Variants in DNAH17 observed in about 807,000 individuals in gnomAD.
The protein encoded by DNAH17 is axonemal beta dynein heavy chain 17.
In DNAH17, 376 loss-of-function variants were observed where a neutral mutation model predicts 485.6. The ratio of observed to expected loss-of-function variants is 0.77; its 90% CI spans 0.71 to 0.84. The LOEUF is 0.84. Ranked by LOEUF, DNAH17 falls within the 40% of genes least tolerant of loss-of-function variation. The pLI is 0.00. For synonymous variants in DNAH17, 3,031 were observed against 2,405.9 expected, an observed-to-expected ratio of 1.26 and a Z score of -7.60; for missense variants, 6,370 against 5,839.3, an observed-to-expected ratio of 1.09 and a Z score of -2.96.
intron 20 of DNAH17, among the ~76,000 whole-genome samples, chr17:78,531,327 T>A (rs891707418): frequency 6.6e-6 from 1 of 150,888 alleles, no homozygotes; most frequent in Non-Finnish European, 1.5e-5. Context: ...GTTTGTGACA[T>A]AAAGTCTGTC....
chr17:78,487,411 G>C (rs1181744001), intron 44 of DNAH17, among the ~76,000 whole-genome samples: 1 of 152,226 alleles, frequency 6.6e-6, no homozygotes, highest in Non-Finnish European at 1.5e-5. Context: ...GCCCCCTCGA[G>C]TGCCAGTGAG....
At chr17:78,497,690 G>A (rs532621079) in intron 37 of DNAH17, among the ~76,000 whole-genome samples, 2 of 152,322 alleles carry the variant, frequency 1.3e-5, no homozygotes, top group East Asian at 3.9e-4. Context: ...AATGACTGAG[G>A]CAGAGGGAGC....
intron 3 of DNAH17, among the ~76,000 whole-genome samples, chr17:78,572,232 G>A (rs1269525502): frequency 6.9e-6 from 1 of 145,576 alleles, no homozygotes; most frequent in African/African-American, 2.6e-5. Context: ...AGGTGCGAGG[G>A]GACACCTTGG....
chr17:78,542,784 T>C (rs1025023425), intron 17 of DNAH17, among the ~76,000 whole-genome samples: 2 of 152,186 alleles, frequency 1.3e-5, no homozygotes, highest in African/African-American at 2.4e-5. Context: ...ATTCTACCCA[T>C]TCACATATGC....
At chr17:78,468,038 G>C in intron 55 of DNAH17, among the ~76,000 whole-genome samples, 1 of 142,438 alleles carries the variant, frequency 7.0e-6, no homozygotes, top group African/African-American at 2.6e-5. Flanking sequence ...AAAAAAGAGA[G>C]AGAGAGAGAG....
chr17:78,559,249 G>C (rs1234129547), intron 13 of DNAH17, among the ~76,000 whole-genome samples: 1 of 152,202 alleles, frequency 6.6e-6, no homozygotes, highest in Non-Finnish European at 1.5e-5. Context: ...GTGACTTCCA[G>C]CCTTCTGTAT....
At chr17:78,541,822 G>A (rs139209395) in intron 17 of DNAH17, among the ~76,000 whole-genome samples, 15 of 152,248 alleles carry the variant, frequency 9.9e-5, no homozygotes, top group South Asian at 8.3e-4. Flanking sequence ...TTCTGAGAGT[G>A]TTAACAAGCT....
intron 73 of DNAH17, among the ~76,000 whole-genome samples, chr17:78,438,563 T>TC (rs1368712685): frequency 6.7e-6 from 1 of 148,324 alleles, no homozygotes; most frequent in African/African-American, 2.5e-5. Context: ...AGTGGTGCAC[T>TC]CTTGGCTCAC....
At position 78,571,364 on chromosome 17, in the gene DNAH17, T is replaced by C. The variant is rs371566822; in HGVS notation, c.747A>G (p.Lys249=). Residue 249 remains lysine (K), a synonymous_variant, in exon 5 of 81, where the codon AAA becomes AAG. Coordinates refer to ENST00000389840, the MANE Select transcript of DNAH17 (RefSeq NM_173628.4). ...KCIHEQLNRP[K]VNKIVEILEK... is the part of the protein sequence containing the mutation. ...CTAGGATCTCAACAATCTTGTTCAC[T>C]TTGGGTCTGTTTAGCTGAGAAGGGG... 45 of 1,613,648 alleles carry C rather than the reference T, an allele frequency of 2.8e-5. No individual in the cohort carries two copies. Among genetic ancestry groups the C allele is most frequent in the Non-Finnish European group, 3.5e-5 (41 of 1,179,726 alleles).
At chr17:78,498,102 T>C (rs183597873) in intron 37 of DNAH17, among the ~76,000 whole-genome samples, 1 of 151,548 alleles carries the variant, frequency 6.6e-6, no homozygotes, top group African/African-American at 2.4e-5. Flanking sequence ...GACTGTGCCA[T>C]TGCACTCCAG....
At chr17:78,552,511 GC>G (rs1281665460) in intron 15 of DNAH17, among the ~76,000 whole-genome samples, 185 bp downstream of exon 15, 1 of 108,396 alleles carries the variant, frequency 9.2e-6, no homozygotes, top group African/African-American at 3.4e-5. Context: ...ACACAGATGG[GC>G]TTTTTTTTTT....
At chr17:78,466,123 G>A (rs538391575) in intron 56 of DNAH17, among the ~76,000 whole-genome samples, 81 of 152,354 alleles carry the variant, frequency 5.3e-4, no homozygotes, top group African/African-American at 1.8e-3. Context: ...GTTGATCTGT[G>A]ACCTTACCCC....
At chr17:78,526,540 G>C (rs2091078914) in intron 24 of DNAH17, 111 bp downstream of exon 24, 1 of 906,294 alleles carries the variant, frequency 1.1e-6, no homozygotes, top group South Asian at 1.8e-5. Flanking sequence ...ACGGCCCCAA[G>C]GTCAGTCCGG....
chr17:78,459,323 G>C, intron 60 of DNAH17, 115 bp from the exon 61 acceptor site: 1 of 993,670 alleles, frequency 1.0e-6, no homozygotes, highest in Non-Finnish European at 1.6e-6. Context: ...GCAGCGCTGG[G>C]ATTCACACAG....
chr17:78,547,939 T>A (rs1369112815), intron 16 of DNAH17, among the ~76,000 whole-genome samples: 1 of 152,138 alleles, frequency 6.6e-6, no homozygotes, highest in Non-Finnish European at 1.5e-5. Context: ...TAGTAACAAC[T>A]ATGATTTTTA....
intron 49 of DNAH17, among the ~76,000 whole-genome samples, chr17:78,480,445 A>T (rs2089300928): frequency 6.6e-6 from 1 of 152,186 alleles, no homozygotes; most frequent in Non-Finnish European, 1.5e-5. Context: ...TGGAGTTTGG[A>T]TTTAACTGCA....
At position 78,462,853 on chromosome 17, in the gene DNAH17, C is replaced by A; in HGVS notation, c.9165G>T (p.Thr3055=). 1 of 1,613,948 alleles carries A rather than the reference C, an allele frequency of 6.2e-7. No individual in the cohort carries two copies. ...LENGLMKLQS[T]ASQVDDLKAK... is the part of the protein sequence containing the mutation. ...AGCCCCCCTCTCCTACCTGGGAAGC[C>A]GTGCTCTGCAGCTTCATCAGGCCGT... Residue 3055 remains threonine (T), a synonymous_variant, in exon 57 of 81, where the codon ACG becomes ACT. Transcript: ENST00000389840.
rs757071513 is a variant in DNAH17 at position 78,450,347 on chromosome 17, C to G, written c.10947G>C (p.Glu3649Asp). The change falls in exon 68 of 81, where the codon GAG becomes GAC. Residue 3649 changes from glutamate (E) to aspartate (D), a missense_variant. Transcript: ENST00000389840. Reference protein sequence around the residue: ...ITEVKINEARENYRPAAERAS... With the variant: ...ITEVKINEARDNYRPAAERAS... ...CCCTCTCCGCAGCCGGGCGGTAGTT[C>G]TCTCTCGCTTCGTTGATTTTAACTT... 9.9e-6 allele frequency: 16 copies of G among 1,613,994 alleles called. No homozygotes were observed. Among genetic ancestry groups the G allele is most frequent in the Non-Finnish European group, 1.3e-5 (15 of 1,179,874 alleles).
chr17:78,454,453 C>T lies in DNAH17; in HGVS notation c.10406+17G>A. The T allele has an allele frequency of 6.3e-7, 1 of 1,598,238 alleles. No homozygotes were observed. Among genetic ancestry groups the T allele is most frequent in the Non-Finnish European group, 8.5e-7 (1 of 1,171,090 alleles). ...AGCAGAGCCGGGCTTCGGCCCAGGT[C>T]CTGCGCCCGCACACACCTCTTCTGT... is the stretch of plus-strand genomic sequence containing the variant. On this transcript the variant is annotated intron_variant, in intron 64 of 80. Coordinates refer to ENST00000389840, the MANE Select transcript of DNAH17 (RefSeq NM_173628.4).
Sources: gnomAD v4.1 joint callset for allele counts (sites outside exome capture counted in the v4.1 genomes callset) on GRCh38, gnomAD v4.1.1 for gene constraint, MANE v1.5 for transcripts, NCBI Gene and HGNC (gene_info 2026-07-23, HGNC 2026-07-21) for gene names.